The following SMG9 variants were observed in gnomAD, a reference collection of about 807,000 sequenced individuals.
SMG9 encodes the protein SMG9 nonsense mediated mRNA decay factor.
In SMG9, 55 loss-of-function variants were observed where a neutral mutation model predicts 64.0. The observed-to-expected ratio is 0.86, with a 90% confidence interval of 0.69 to 1.08. The LOEUF is 1.08. SMG9 is among the 50% of genes least tolerant of loss of function. The pLI, the probability that SMG9 is intolerant of heterozygous loss-of-function variation, is 0.00. For missense variants in SMG9, 554 were observed against 681.3 expected (o/e 0.81, Z 2.08); for synonymous variants, 244 against 254.8 (o/e 0.96, Z 0.41).
At chr19:43,743,111 C>T (rs1968891973) in intron 6 of SMG9, among the ~76,000 whole-genome samples, 1 of 151,832 alleles carries the variant, frequency 6.6e-6, no homozygotes, top group Admixed American at 6.6e-5. Flanking sequence ...GAGGCAAAAC[C>T]TAGACCTGAT....
In SMG9 at chr19:43,731,368, C is replaced by T; in HGVS notation, c.*228G>A. 7.4e-7 allele frequency: 1 copy of T among 1,357,028 alleles called. No homozygotes were observed. The highest frequency in any genetic ancestry group is 9.5e-7 in the Non-Finnish European group (1 of 1,053,608). The allele number at this position is 1,357,028 out of a possible 1,614,324, so 84.1% of individuals were successfully genotyped here. The stretch of plus-strand genomic sequence containing the variant: ...TGTGGAGGACACAGGACGGGCTACC[C>T]CATCTCAGGTTTGGGGTGGGATCGC... On this transcript the variant is annotated 3_prime_UTR_variant, in exon 14 of 14. Transcript: ENST00000270066.
intron 8 of SMG9, 49 bp downstream of exon 8, chr19:43,738,073 G>A: frequency 6.5e-7 from 1 of 1,539,104 alleles, no homozygotes. Flanking sequence ...TGGGAGGATG[G>A]GGGTGGGGAT....
In SMG9 at chr19:43,747,498, T is replaced by A; in HGVS notation, c.532A>T (p.Lys178Ter). 6.2e-7 allele frequency: 1 copy of A among 1,614,134 alleles called. No individual in the cohort carries two copies. The highest frequency in any genetic ancestry group is 8.5e-7 in the Non-Finnish European group (1 of 1,180,020). ...TCATCCACCAACTTGATGCTGTGCT[T>A]CATGCGCTCTGGGGGCAGTAGTTTG... ...QAKLLPPERM[K>*]HSIKLVDDQM... Residue 178 changes from lysine to a stop codon, truncating the protein, a stop_gained, in exon 5 of 14, where the codon AAG (lysine) becomes TAG (stop). Transcript: ENST00000270066. LOFTEE classifies it high-confidence loss of function.
intron 6 of SMG9, among the ~76,000 whole-genome samples, chr19:43,741,633 A>G (rs1968848843): frequency 1.3e-5 from 2 of 152,174 alleles, no homozygotes; most frequent in South Asian, 4.1e-4. Context: ...CTCTGGCCTT[A>G]TCTCCTACCA....
Position 43,730,051 on chromosome 19 carries a change from C to G in SMG9, c.*1545G>C, listed in dbSNP as rs998320359. ...GCTTTCTTCACTGACCCCCCGCCCC[C>G]CCTCACTTCAGTTGTTTCTCACAAG... On this transcript the variant is annotated 3_prime_UTR_variant, in exon 14 of 14. Coordinates refer to ENST00000270066, the MANE Select transcript of SMG9 (RefSeq NM_019108.4). The G allele has an allele frequency of 1.3e-5, 2 of 152,870 alleles. No individual in the cohort carries two copies. Among genetic ancestry groups the G allele is most frequent in the African/African-American group, 4.8e-5 (2 of 41,450 alleles). The allele number at this position is 152,870 out of a possible 1,614,324, so 9.5% of individuals were successfully genotyped here.
At position 43,734,430 on chromosome 19, in the gene SMG9, G is replaced by A. The variant is rs1351520282; in HGVS notation, c.1061C>T (p.Ser354Leu). The A allele has an allele frequency of 1.3e-6, 2 of 1,562,298 alleles. No homozygotes were observed. Among genetic ancestry groups the A allele is most frequent in the Admixed American group, 1.9e-5 (1 of 52,316 alleles). ...TPSPSHESSS[S>L]SGSDEGTEYY... ...CTCGGTGCCTTCATCGGAGCCCGATGAGCTGCTGGACTCGTGGCTGGGGGA... is the reference window on the plus strand; with the variant it reads ...CTCGGTGCCTTCATCGGAGCCCGATAAGCTGCTGGACTCGTGGCTGGGGGA... Residue 354 changes from serine (S) to leucine (L), a missense_variant, in exon 10 of 14, where the codon TCA (serine) becomes TTA (leucine). By Grantham distance (145) the Ser-to-Leu change is moderately radical. Coordinates refer to ENST00000270066, the MANE Select transcript of SMG9 (RefSeq NM_019108.4).
rs140674886 is a variant in SMG9, at chr19:43,733,428, T to C, written c.1235A>G (p.Asn412Ser). Residue 412 changes from asparagine to serine, a missense_variant, in exon 12 of 14, where the codon AAT (asparagine) becomes AGT (serine). Physicochemically the swap from Asn to Ser is conservative, Grantham distance 46. Coordinates refer to ENST00000270066, the MANE Select transcript of SMG9 (RefSeq NM_019108.4). ...YKGTLSMLQC[N>S]VFPGLPPDFL... The stretch of plus-strand genomic sequence containing the variant: ...GTCAGGTGGAAGCCCCGGGAAGACA[T>C]TGCATTGTAACATGGACAGAGTTCC... 2.4e-4 allele frequency: 383 copies of C among 1,613,942 alleles called. 3 individuals carry two copies. The highest frequency in any genetic ancestry group is 7.8e-4 in the South Asian group (71 of 91,066).
intron 2 of SMG9, among the ~76,000 whole-genome samples, 170 bp from the exon 3 acceptor site, chr19:43,748,222 G>C (rs764713790): frequency 6.6e-6 from 1 of 152,206 alleles, no homozygotes; most frequent in Non-Finnish European, 1.5e-5. Flanking sequence ...AGAAAATGAA[G>C]CCTAGAAAGG....
At position 43,747,517 on chromosome 19, in the gene SMG9, T is replaced by C. The variant is rs368125252; in HGVS notation, c.513A>G (p.Leu171=). 153 of 1,614,028 alleles carry C rather than the reference T, an allele frequency of 9.5e-5. No individual in the cohort carries two copies. The highest frequency in any genetic ancestry group is 1.2e-4 in the Non-Finnish European group (142 of 1,180,022). The stretch of plus-strand genomic sequence containing the variant: ...TGTGCTTCATGCGCTCTGGGGGCAG[T>C]AGTTTGGCCTGACCCACGACAGCTG... ...AMDPVVGQAK[L]LPPERMKHSI... is the part of the protein sequence containing the mutation. The change falls in exon 5 of 14, where the codon CTA becomes CTG. Residue 171 remains leucine, a synonymous_variant. Transcript: ENST00000270066.
intron 2 of SMG9, among the ~76,000 whole-genome samples, chr19:43,748,312 T>G (rs1969092198): frequency 6.6e-6 from 1 of 152,174 alleles, no homozygotes; most frequent in Non-Finnish European, 1.5e-5. Flanking sequence ...CTCAGCTGCC[T>G]CTGCGAGGCA....
At chr19:43,734,708 G>C (rs1394864640) in intron 9 of SMG9, 17 of 431,180 alleles carry the variant, frequency 3.9e-5, no homozygotes, top group Non-Finnish European at 6.2e-5. Flanking sequence ...AATTCTTTGA[G>C]TTTACTGTAT....
chr19:43,741,702 G>A (rs1479683770), intron 6 of SMG9, among the ~76,000 whole-genome samples: 1 of 152,180 alleles, frequency 6.6e-6, no homozygotes, highest in Non-Finnish European at 1.5e-5. Flanking sequence ...TCCCACTTCA[G>A]ACGCATTGCC....
In SMG9 at chr19:43,747,545, G is replaced by C; in HGVS notation, c.491-6C>G. On this transcript the variant is annotated splice_polypyrimidine_tract_variant and splice_region_variant and intron_variant, in intron 4 of 13. Transcript: ENST00000270066. ...TTTGGCCTGACCCACGACAGCTGGA[G>C]ATTGGAGAAAGCAGGAGACAGAGGA... The C allele has an allele frequency of 6.2e-7, 1 of 1,614,184 alleles. No homozygotes were observed. The highest frequency in any genetic ancestry group is 1.3e-5 in the African/African-American group (1 of 75,066).
intron 13 of SMG9, 83 bp from the exon 14 acceptor site, chr19:43,731,757 G>C (rs1172417447): frequency 1.3e-6 from 2 of 1,552,436 alleles, no homozygotes. Context: ...GAGAAACTGA[G>C]GCCCCTTTTA....
In SMG9 at chr19:43,733,358, G is replaced by A; in HGVS notation, c.1305C>T (p.Asp435=). The A allele has an allele frequency of 1.2e-6, 2 of 1,614,084 alleles. No individual in the cohort carries two copies. The highest frequency in any genetic ancestry group is 1.7e-6 in the Non-Finnish European group (2 of 1,180,028). Residue 435 remains aspartate, a synonymous_variant, in exon 12 of 14, where the codon GAC becomes GAT. Transcript: ENST00000270066. ...EVNLFLVPFM[D]SEAESENPPR... is the part of the protein sequence containing the mutation. ...GTGGGTTTTCACTCTCTGCTTCACT[G>A]TCCATGAAGGGTACCAGGAATAAGT...
At chr19:43,749,405 G>A (rs1040026750) in intron 2 of SMG9, among the ~76,000 whole-genome samples, 2 of 152,206 alleles carry the variant, frequency 1.3e-5, no homozygotes, top group Non-Finnish European at 2.9e-5. Context: ...GGCTGCCAGG[G>A]CTCAGTAGCA....
At chr19:43,731,779 G>A in intron 13 of SMG9, 105 bp from the exon 14 acceptor site, 1 of 1,360,030 alleles carries the variant, frequency 7.4e-7, no homozygotes. Context: ...GACCTGAGAT[G>A]TGACTCTGAG....
intron 2 of SMG9, among the ~76,000 whole-genome samples, chr19:43,749,181 A>G (rs1969117919): frequency 6.6e-6 from 1 of 152,178 alleles, no homozygotes; most frequent in Non-Finnish European, 1.5e-5. Flanking sequence ...GAGGGTAGAG[A>G]GAAGACACAC....
chr19:43,732,797 C>T lies in SMG9; in HGVS notation c.1484+61G>A, dbSNP rs139171011. On this transcript the variant is annotated intron_variant, in intron 13 of 13. Coordinates refer to ENST00000270066, the MANE Select transcript of SMG9 (RefSeq NM_019108.4). ...AGGTCATGCCGATCTAAGGGACGCC[C>T]CCTTCTCTCTACACCAGGGTGGGGT... is the stretch of plus-strand genomic sequence containing the variant. 86 of 1,603,310 alleles carry T rather than the reference C, an allele frequency of 5.4e-5. No homozygotes were observed. The African/African-American group carries it at 8.2e-4, about 15-fold the overall frequency.
Sources: gnomAD v4.1 joint callset for allele counts (sites outside exome capture counted in the v4.1 genomes callset) on GRCh38, gnomAD v4.1.1 for gene constraint, MANE v1.5 for transcripts, NCBI Gene and HGNC (gene_info 2026-07-23, HGNC 2026-07-21) for gene names.